DOCK4: variants seen among roughly 807,000 people sequenced by gnomAD.
DOCK4 encodes dedicator of cytokinesis 4, also known as dedicator of cytokinesis protein 4.
A neutral mutation model predicts 268.1 loss-of-function variants in DOCK4; 97 were observed. The ratio of observed to expected loss-of-function variants is 0.36; its 90% CI spans 0.31 to 0.43. The LOEUF is 0.43. Among genes scored for constraint, DOCK4 ranks in the 20% least tolerant of loss-of-function variants. The probability of loss-of-function intolerance (pLI) is 1.00; values close to 1 mark genes in which losing one functional copy is unlikely to be tolerated. For synonymous variants in DOCK4, 954 were observed against 887.2 expected (o/e 1.08, Z -1.34); for missense variants, 2,145 against 2,455.7 (o/e 0.87, Z 2.67).
intron 1 of DOCK4, among the ~76,000 whole-genome samples, chr7:112,115,652 C>CCCAT (rs559998727): frequency 8.7e-5 from 13 of 150,038 alleles, no homozygotes; most frequent in Admixed American, 3.3e-4. Flanking sequence ...CATCCATCCA[C>CCCAT]CCATCCATCC....
In DOCK4 at chr7:112,201,794, CCT is replaced by C. The variant is rs917323309; in HGVS notation, c.37+4306_37+4307del. Reference sequence around the variant, plus strand: ...CGATAGATCACTAAAGCATGTTCCCCCTGTCTCACCAAAACTTTGTACACTTT... The same window carrying C: ...CGATAGATCACTAAAGCATGTTCCCCGTCTCACCAAAACTTTGTACACTTT... On this transcript the variant is annotated intron_variant, in intron 1 of 52. Transcript: ENST00000428084. 1.4e-4 allele frequency among the ~76,000 whole-genome samples: 22 copies of C among 152,178 alleles called. No individual in the cohort carries two copies. The East Asian group carries it at 2.5e-3, about 17-fold the overall frequency.
chr7:111,870,251 C>A (rs1420702258), intron 20 of DOCK4, among the ~76,000 whole-genome samples: 3 of 151,764 alleles, frequency 2.0e-5, no homozygotes, highest in Non-Finnish European at 4.4e-5. Context: ...CAACAGCCCA[C>A]AACTCTCAAG....
At chr7:112,165,309 CT>C (rs552438600) in intron 1 of DOCK4, among the ~76,000 whole-genome samples, 205 of 151,902 alleles carry the variant, frequency 1.3e-3, no homozygotes, top group African/African-American at 4.8e-3. Flanking sequence ...GCATCCTCCC[CT>C]CTCCCTTCCA....
At chr7:111,778,244 C>T in intron 36 of DOCK4, 32 bp downstream of exon 36, 2 of 1,471,292 alleles carry the variant, frequency 1.4e-6, no homozygotes, top group Non-Finnish European at 1.9e-6. Context: ...ACATCAGCTC[C>T]CTTCCCAATC....
intron 1 of DOCK4, among the ~76,000 whole-genome samples, chr7:112,128,896 C>A (rs1813535150): frequency 6.6e-6 from 1 of 152,092 alleles, no homozygotes; most frequent in Non-Finnish European, 1.5e-5. Context: ...GCGAGAAACA[C>A]CCAAGAATGA....
At chr7:112,033,333 A>C (rs1368327178) in intron 1 of DOCK4, among the ~76,000 whole-genome samples, 1 of 152,164 alleles carries the variant, frequency 6.6e-6, no homozygotes, top group Non-Finnish European at 1.5e-5. Flanking sequence ...AAAACTTCAA[A>C]TTTATGTGGA....
chr7:112,048,041 G>A (rs140895232), intron 1 of DOCK4, among the ~76,000 whole-genome samples: 114 of 152,216 alleles, frequency 7.5e-4, no homozygotes, highest in African/African-American at 2.0e-3. Context: ...ACAATGTCTC[G>A]TGGCCTATTA....
At chr7:112,031,613 CTTTCT>C (rs780209489) in intron 1 of DOCK4, among the ~76,000 whole-genome samples, 2 of 152,168 alleles carry the variant, frequency 1.3e-5, no homozygotes, top group Non-Finnish European at 2.9e-5. Flanking sequence ...CCCCACCACT[CTTTCT>C]TTTCTCTCTC....
At chr7:111,778,516 G>T in intron 35 of DOCK4, 147 bp from the exon 36 acceptor site, 1 of 474,752 alleles carries the variant, frequency 2.1e-6, no homozygotes, top group South Asian at 4.7e-5. Context: ...AAATAAGGTG[G>T]CTCAGTGACA....
chr7:111,796,382 C>T (rs1799896794), intron 30 of DOCK4, among the ~76,000 whole-genome samples: 2 of 152,248 alleles, frequency 1.3e-5, no homozygotes, highest in South Asian at 4.1e-4. Flanking sequence ...TAATACAGGA[C>T]ACATTGCTAG....
intron 1 of DOCK4, among the ~76,000 whole-genome samples, chr7:112,127,445 G>C (rs1030921458): frequency 6.8e-6 from 1 of 147,578 alleles, no homozygotes; most frequent in African/African-American, 2.5e-5. Flanking sequence ...AGCATTAGGA[G>C]ATATACCTAA....
At chr7:112,016,449 T>C (rs887303369) in intron 1 of DOCK4, among the ~76,000 whole-genome samples, 1 of 152,226 alleles carries the variant, frequency 6.6e-6, no homozygotes, top group Admixed American at 6.5e-5. Context: ...GTGTCCCAGG[T>C]TTCTCCACTG....
At chr7:112,074,882 A>G (rs1198298111) in intron 1 of DOCK4, among the ~76,000 whole-genome samples, 1 of 152,146 alleles carries the variant, frequency 6.6e-6, no homozygotes. Flanking sequence ...TCAGAGATCT[A>G]TTTCAGCTCT....
intron 26 of DOCK4, among the ~76,000 whole-genome samples, chr7:111,830,222 T>C (rs999769193): frequency 1.3e-5 from 2 of 152,068 alleles, no homozygotes; most frequent in African/African-American, 4.8e-5. Flanking sequence ...GGTCAGGAGA[T>C]CGAGACCATC....
intron 1 of DOCK4, among the ~76,000 whole-genome samples, chr7:112,076,688 G>A (rs1475936363): frequency 6.6e-6 from 1 of 152,102 alleles, no homozygotes; most frequent in East Asian, 1.9e-4. Context: ...CATATAAAGT[G>A]TGTTCAGGGT....
intron 7 of DOCK4, among the ~76,000 whole-genome samples, chr7:111,980,861 T>C (rs965826903): frequency 3.9e-5 from 6 of 152,218 alleles, no homozygotes; most frequent in East Asian, 1.9e-4. Context: ...TCTAAAAAGA[T>C]AGAAACCTGC....
At chr7:111,901,427 G>GT (rs1354644217) in intron 14 of DOCK4, among the ~76,000 whole-genome samples, 16 of 145,650 alleles carry the variant, frequency 1.1e-4, no homozygotes, top group East Asian at 4.2e-4. Flanking sequence ...AAAAGTTGTT[G>GT]TTTTTTTTTC....
intron 1 of DOCK4, among the ~76,000 whole-genome samples, chr7:112,113,470 C>A (rs1437267630): frequency 6.6e-6 from 1 of 152,046 alleles, no homozygotes; most frequent in Non-Finnish European, 1.5e-5. Flanking sequence ...AAATTGGTTT[C>A]TCTGTATCTT....
At chr7:111,772,832 A>G (rs1350306641) in intron 36 of DOCK4, among the ~76,000 whole-genome samples, 19 of 152,050 alleles carry the variant, frequency 1.2e-4, no homozygotes, top group Non-Finnish European at 1.2e-4. Context: ...AAACAAAAAG[A>G]GCAATGAAGG....
Sources: allele counts gnomAD v4.1 joint callset (sites outside exome capture counted in the v4.1 genomes callset), GRCh38; gene constraint gnomAD v4.1.1; transcripts MANE v1.5; gene names NCBI Gene and HGNC (gene_info 2026-07-23, HGNC 2026-07-21).